The following TARBP1 variants were observed in gnomAD, a reference collection of about 807,000 sequenced individuals.
TARBP1 encodes tRNA guanosine 2 -O-methyltransferase TARBP1, also known as tRNA (guanosine(18)-2'-O)-methyltransferase TARBP1.
In TARBP1, 144 loss-of-function variants were observed where a neutral mutation model predicts 178.6. The ratio of observed to expected loss-of-function variants is 0.81; its 90% CI spans 0.70 to 0.93. TARBP1 has a LOEUF of 0.93. TARBP1 is among the 40% of genes least tolerant of loss of function. TARBP1 has a pLI of 0.00. For synonymous variants in TARBP1, 787 were observed against 781.0 expected (o/e 1.01, Z -0.13); for missense variants, 2,067 against 2,011.7 (o/e 1.03, Z -0.53).
intron 5 of TARBP1, 138 bp downstream of exon 5, chr1:234,465,518 A>G (rs1668341149): frequency 1.4e-6 from 1 of 692,322 alleles, no homozygotes; most frequent in African/African-American, 1.9e-5. Context: ...AACAGATAGA[A>G]AAAGGACCAC....
At chr1:234,477,052 G>A (rs1669632340) in intron 1 of TARBP1, among the ~76,000 whole-genome samples, 1 of 152,202 alleles carries the variant, frequency 6.6e-6, no homozygotes, top group Non-Finnish European at 1.5e-5. Flanking sequence ...GGGCATGGTG[G>A]CGCATGCCTG....
At chr1:234,410,005 GAC>G (rs1006857168) in intron 23 of TARBP1, among the ~76,000 whole-genome samples, 7 of 152,278 alleles carry the variant, frequency 4.6e-5, no homozygotes, top group African/African-American at 1.7e-4. Flanking sequence ...TCCAAATGAT[GAC>G]AGTCATTTTA....
chr1:234,411,432 A>G (rs951510564), intron 22 of TARBP1, among the ~76,000 whole-genome samples: 1 of 152,216 alleles, frequency 6.6e-6, no homozygotes, highest in African/African-American at 2.4e-5. Flanking sequence ...AGCCAAGGGC[A>G]TGCTCACTTC....
chr1:234,455,859 C>T (rs541667893), intron 9 of TARBP1, among the ~76,000 whole-genome samples: 1 of 151,216 alleles, frequency 6.6e-6, no homozygotes, highest in Non-Finnish European at 1.5e-5. Context: ...GAAAAAAAAA[C>T]CACTAAAATC....
At chr1:234,449,142 C>A (rs1244870194) in intron 10 of TARBP1, among the ~76,000 whole-genome samples, 2 of 152,104 alleles carry the variant, frequency 1.3e-5, no homozygotes. Flanking sequence ...CTCATGTGTG[C>A]ACTAAGTGAC....
chr1:234,413,645 T>C (rs1019994498), intron 22 of TARBP1, among the ~76,000 whole-genome samples: 3 of 152,092 alleles, frequency 2.0e-5, no homozygotes, highest in Non-Finnish European at 4.4e-5. Context: ...CCGAGGAGCA[T>C]AGTCTTCATC....
intron 25 of TARBP1, among the ~76,000 whole-genome samples, chr1:234,399,762 ATT>A (rs936877082): frequency 2.6e-5 from 4 of 152,100 alleles, no homozygotes; most frequent in African/African-American, 9.7e-5. Context: ...GGAAATCATC[ATT>A]CTCAGTAAAC....
rs541829636 is a variant in TARBP1, at chr1:234,479,141, G to C, written c.-38C>G. 6.7e-7 allele frequency: 1 copy of C among 1,488,510 alleles called. No individual in the cohort carries two copies. The highest frequency in any genetic ancestry group is 2.4e-5 in the Admixed American group (1 of 42,122). The allele number at this position is 1,488,510 out of a possible 1,614,324, so 92.2% of individuals were successfully genotyped here. A position where few individuals can be genotyped will look rare whatever the true frequency, so the allele number is the denominator to read the frequency against. ...CGCGCCACCGGCCCGGGCTCCCAAAGGAAGGCGCCGGCGTGTGCGATGCGT... is the reference window on the plus strand; with the variant it reads ...CGCGCCACCGGCCCGGGCTCCCAAACGAAGGCGCCGGCGTGTGCGATGCGT... On this transcript the variant is annotated 5_prime_UTR_variant, in exon 1 of 30. Transcript: ENST00000040877.
intron 12 of TARBP1, among the ~76,000 whole-genome samples, chr1:234,437,585 G>C (rs1000825670): frequency 6.6e-6 from 1 of 152,146 alleles, no homozygotes; most frequent in Non-Finnish European, 1.5e-5. Flanking sequence ...ATGGATCAGG[G>C]ACACTCTTCC....
In TARBP1 at chr1:234,462,643, C is replaced by T. The variant is rs559246991; in HGVS notation, c.1399+1194G>A. Among the ~76,000 whole-genome samples the T allele has an allele frequency of 1.0e-3, 141 of 141,166 alleles. 1 individual carries two copies. Among genetic ancestry groups the T allele is most frequent in the African/African-American group, 3.0e-3 (111 of 36,948 alleles). 92.6% of individuals were successfully genotyped at this position (141,166 alleles called of 152,430 possible). A position where few individuals can be genotyped will look rare whatever the true frequency, so the allele number is the denominator to read the frequency against. On this transcript the variant is annotated intron_variant, in intron 6 of 29. Transcript: ENST00000040877. ...GGCGGAGGTTGCAGTGAGCTGAGATCGCACCACTGCACTCCAGCCTAATGA... is the reference window on the plus strand; with the variant it reads ...GGCGGAGGTTGCAGTGAGCTGAGATTGCACCACTGCACTCCAGCCTAATGA...
At chr1:234,456,283 C>T (rs1667261282) in intron 9 of TARBP1, among the ~76,000 whole-genome samples, 1 of 152,242 alleles carries the variant, frequency 6.6e-6, no homozygotes, top group Non-Finnish European at 1.5e-5. Flanking sequence ...TCACTGCAAC[C>T]TCCGCCTCCC....
chr1:234,430,182 C>T lies in TARBP1; in HGVS notation c.2514G>A (p.Leu838=), dbSNP rs765416088. 3 of 1,614,204 alleles carry T rather than the reference C, an allele frequency of 1.9e-6. No individual in the cohort carries two copies. Among genetic ancestry groups the T allele is most frequent in the Admixed American group, 3.3e-5 (2 of 60,024 alleles). Residue 838 remains leucine (L), a synonymous_variant, in exon 15 of 30, where the codon CTG becomes CTA. Transcript: ENST00000040877. Reference sequence around the variant, plus strand: ...GCTGAAGAGAGGAAAGGAAGCTTTCCAGGGGCCCAGCATGGAGAGAGTCCA... The same window carrying T: ...GCTGAAGAGAGGAAAGGAAGCTTTCTAGGGGCCCAGCATGGAGAGAGTCCA... ...LQLDSLHAGP[L]ESFLSSLQLN...
intron 15 of TARBP1, 88 bp from the exon 16 acceptor site, chr1:234,429,765 G>C (rs1301849666): frequency 2.1e-4 from 1 of 4,654 alleles, no homozygotes; most frequent in Non-Finnish European, 2.5e-4. Context: ...TTCTAAAGGT[G>C]GGGGGGGGGG....
Position 234,478,460 on chromosome 1 carries a change from G to A in TARBP1, c.644C>T (p.Ala215Val). 1.4e-6 allele frequency: 2 copies of A among 1,383,258 alleles called. No individual in the cohort carries two copies. The highest frequency in any genetic ancestry group is 1.9e-6 in the Non-Finnish European group (2 of 1,065,114). The allele number at this position is 1,383,258 out of a possible 1,614,324, so 85.7% of individuals were successfully genotyped here. ...GGACCCCAGGGACGCCCCAGGCGCG[G>A]CCAGCCCGCCCCACACGGCCCGCAG... ...AALRAVWGGL[A>V]APGASLGSGR... Residue 215 changes from alanine to valine, a missense_variant, in exon 1 of 30, where the codon GCC (alanine) becomes GTC (valine). Transcript: ENST00000040877.
intron 9 of TARBP1, among the ~76,000 whole-genome samples, chr1:234,453,784 T>G (rs1482393330): frequency 6.6e-6 from 1 of 152,208 alleles, no homozygotes; most frequent in Non-Finnish European, 1.5e-5. Context: ...GATTCAGCTA[T>G]AAACCACCAA....
chr1:234,443,454 A>AT (rs1350792765), intron 12 of TARBP1, among the ~76,000 whole-genome samples: 1 of 152,178 alleles, frequency 6.6e-6, no homozygotes, highest in African/African-American at 2.4e-5. Flanking sequence ...GATGGCTATT[A>AT]TTTTTAAAAG....
In TARBP1 at chr1:234,457,764, G is replaced by A. The variant is rs1396209050; in HGVS notation, c.1633-8C>T. On this transcript the variant is annotated splice_polypyrimidine_tract_variant and splice_region_variant and intron_variant, in intron 8 of 29. Transcript: ENST00000040877. ...AGAAAGTGACACTTTCTCCTGGGCA[G>A]GGCAGGAAAGGTTTTAAAAATTACT... is the stretch of plus-strand genomic sequence containing the variant. 6.3e-7 allele frequency: 1 copy of A among 1,596,730 alleles called. No individual in the cohort carries two copies. The highest frequency in any genetic ancestry group is 1.1e-5 in the South Asian group (1 of 88,352).
chr1:234,453,329 G>T (rs1448304364), intron 9 of TARBP1, among the ~76,000 whole-genome samples: 293 of 89,986 alleles, frequency 3.3e-3, no homozygotes, highest in African/African-American at 9.8e-3. Context: ...TTTTTTGTGT[G>T]TTTTTTTTTT....
intron 12 of TARBP1, among the ~76,000 whole-genome samples, chr1:234,443,013 G>A (rs1005966758): frequency 7.2e-5 from 11 of 152,074 alleles, no homozygotes; most frequent in South Asian, 2.1e-4. Context: ...GTTTGGGGCT[G>A]GGCACAATGG....
Sources: allele counts gnomAD v4.1 joint callset (sites outside exome capture counted in the v4.1 genomes callset), GRCh38; gene constraint gnomAD v4.1.1; transcripts MANE v1.5; gene names NCBI Gene and HGNC (gene_info 2026-07-23, HGNC 2026-07-21).